The following DNAJC18 variants were observed in gnomAD, a reference collection of about 807,000 sequenced individuals.
DNAJC18 encodes the protein DnaJ heat shock protein family (Hsp40) member C18.
A neutral mutation model predicts 48.6 loss-of-function variants in DNAJC18; 40 were observed. The ratio of observed to expected loss-of-function variants is 0.82; its 90% CI spans 0.64 to 1.07. DNAJC18 has a LOEUF of 1.07. DNAJC18 is among the 50% of genes least tolerant of loss of function. DNAJC18 has a pLI of 0.00. For missense variants in DNAJC18, 340 were observed against 427.7 expected (o/e 0.79, Z 1.81); for synonymous variants, 135 against 152.2 (o/e 0.89, Z 0.83).
At position 139,437,512 on chromosome 5, in the gene DNAJC18, A is replaced by G; in HGVS notation, c.87T>C (p.Pro29=). The G allele has an allele frequency of 6.2e-7, 1 of 1,613,768 alleles. No individual in the cohort carries two copies. Among genetic ancestry groups the G allele is most frequent in the Non-Finnish European group, 8.5e-7 (1 of 1,179,884 alleles). The part of the protein sequence containing the change: ...VRRNKYPEDT[P]PESHDPCGCC... ...AGCCACAGGGGTCATGACTCTCAGG[A>G]GGTGTGTCTTCTGGGTATTTGTTTC... Residue 29 remains proline (P), a synonymous_variant, in exon 2 of 8, where the codon CCT becomes CCC. Coordinates refer to ENST00000302060, the MANE Select transcript of DNAJC18 (RefSeq NM_152686.4).
At position 139,410,550 on chromosome 5, in the gene DNAJC18, TATGA is replaced by T. The variant is rs1758978991; in HGVS notation, c.*3594_*3597del. 1.3e-5 allele frequency: 2 copies of T among 151,266 alleles called. No individual in the cohort carries two copies. The highest frequency in any genetic ancestry group is 2.9e-5 in the Non-Finnish European group (2 of 67,934). 9.4% of individuals were successfully genotyped at this position (151,266 alleles called of 1,614,324 possible). ...ATACCTTAAATGAGGGCAGAATAAA[TATGA>T]ATGAAGTGCAAGCTCCTGTGAGGAG... On this transcript the variant is annotated 3_prime_UTR_variant, in exon 8 of 8. Transcript: ENST00000302060.
At chr5:139,414,679 T>C (rs1314837594) in intron 7 of DNAJC18, among the ~76,000 whole-genome samples, 2 of 152,232 alleles carry the variant, frequency 1.3e-5, no homozygotes, top group African/African-American at 4.8e-5. Flanking sequence ...GCTTTATTCT[T>C]CTCCTGCATT....
In DNAJC18 at chr5:139,414,046, TAA is replaced by T. The variant is rs1759034223; in HGVS notation, c.*100_*101del. 6.0e-6 allele frequency: 9 copies of T among 1,495,712 alleles called. No homozygotes were observed. The highest frequency in any genetic ancestry group is 8.0e-6 in the Non-Finnish European group (9 of 1,122,076). The allele number at this position is 1,495,712 out of a possible 1,614,324, so 92.7% of individuals were successfully genotyped here. On this transcript the variant is annotated 3_prime_UTR_variant, in exon 8 of 8. Coordinates refer to ENST00000302060, the MANE Select transcript of DNAJC18 (RefSeq NM_152686.4). ...CCCAACCAACGAAGTTAGCAAATAG[TAA>T]AGTGTTCATCATTACCTAGTTTTGT...
chr5:139,422,825 A>G lies in DNAJC18; in HGVS notation c.670-8T>C, dbSNP rs1237352095. 2 of 1,566,462 alleles carry G rather than the reference A, an allele frequency of 1.3e-6. No individual in the cohort carries two copies. The highest frequency in any genetic ancestry group is 1.7e-6 in the Non-Finnish European group (2 of 1,160,292). On this transcript the variant is annotated splice_region_variant and splice_polypyrimidine_tract_variant and intron_variant, in intron 5 of 7. Transcript: ENST00000302060. ...AAATGCAGAATATGTAGTCTGAAAA[A>G]GAAAAAAAAATAAAAACTTGCTGTA...
chr5:139,414,037 AG>A lies in DNAJC18; in HGVS notation c.*110del. On this transcript the variant is annotated 3_prime_UTR_variant, in exon 8 of 8. Coordinates refer to ENST00000302060, the MANE Select transcript of DNAJC18 (RefSeq NM_152686.4). Reference sequence around the variant, plus strand: ...GCCACTCTGCCCAACCAACGAAGTTAGCAAATAGTAAAGTGTTCATCATTAC... The same window carrying A: ...GCCACTCTGCCCAACCAACGAAGTTACAAATAGTAAAGTGTTCATCATTAC... The A allele has an allele frequency of 6.8e-7, 1 of 1,463,092 alleles. No individual in the cohort carries two copies. The highest frequency in any genetic ancestry group is 9.1e-7 in the Non-Finnish European group (1 of 1,102,716). 90.6% of individuals were successfully genotyped at this position (1,463,092 alleles called of 1,614,324 possible).
chr5:139,422,421 T>G (rs1372615045), intron 6 of DNAJC18, among the ~76,000 whole-genome samples: 1 of 152,204 alleles, frequency 6.6e-6, no homozygotes, highest in Non-Finnish European at 1.5e-5. Flanking sequence ...AATGAGTTCA[T>G]CTAAACCTTA....
intron 2 of DNAJC18, among the ~76,000 whole-genome samples, chr5:139,431,319 T>A (rs1341966588): frequency 6.6e-6 from 1 of 152,180 alleles, no homozygotes; most frequent in East Asian, 1.9e-4. Context: ...TCAGGACATT[T>A]TTATCACCCC....
chr5:139,436,515 C>CT (rs57926576), intron 2 of DNAJC18, among the ~76,000 whole-genome samples: 981 of 67,600 alleles, frequency 0.015, 9 homozygotes, highest in Middle Eastern at 0.017. Flanking sequence ...ATCCCTCTTT[C>CT]TTTTTTTTTT....
chr5:139,429,051 A>C (rs953809400), intron 2 of DNAJC18, among the ~76,000 whole-genome samples: 1 of 132,164 alleles, frequency 7.6e-6, no homozygotes, highest in Non-Finnish European at 1.7e-5. Context: ...TCTTTTTCCT[A>C]TGGCTATCTT....
chr5:139,437,185 G>A (rs774995169), intron 2 of DNAJC18, among the ~76,000 whole-genome samples, 187 bp downstream of exon 2: 3 of 152,150 alleles, frequency 2.0e-5, no homozygotes, highest in Non-Finnish European at 4.4e-5. Flanking sequence ...TAGAAGCAGG[G>A]TAGTCAGTTC....
At chr5:139,415,392 T>G (rs1759056554) in intron 7 of DNAJC18, among the ~76,000 whole-genome samples, 1 of 152,226 alleles carries the variant, frequency 6.6e-6, no homozygotes, top group Admixed American at 6.5e-5. Flanking sequence ...TACCCCCAAG[T>G]AAGGCCCAAA....
intron 3 of DNAJC18, 52 bp from the exon 4 acceptor site, chr5:139,426,409 G>A: frequency 6.3e-7 from 1 of 1,594,916 alleles, no homozygotes; most frequent in East Asian, 2.2e-5. Context: ...CTATGGCTGA[G>A]AGTGATCACA....
chr5:139,422,455 C>A (rs1759169831), intron 6 of DNAJC18, among the ~76,000 whole-genome samples: 1 of 152,084 alleles, frequency 6.6e-6, no homozygotes. Context: ...CTTCAAAAAC[C>A]AGTTACTGCT....
At chr5:139,438,612 T>C (rs1750727019) in intron 1 of DNAJC18, among the ~76,000 whole-genome samples, 1 of 152,176 alleles carries the variant, frequency 6.6e-6, no homozygotes, top group Admixed American at 6.5e-5. Context: ...ACATCTTTCT[T>C]CCGCTTAACA....
At chr5:139,423,343 C>G (rs1338344016) in intron 5 of DNAJC18, among the ~76,000 whole-genome samples, 2 of 151,436 alleles carry the variant, frequency 1.3e-5, no homozygotes, top group African/African-American at 4.9e-5. Flanking sequence ...TTTTTGAGTA[C>G]CAGGATGACA....
chr5:139,413,643 T>G lies in DNAJC18; in HGVS notation c.*505A>C, dbSNP rs2152081959. The G allele has an allele frequency of 6.5e-6, 1 of 152,944 alleles. No homozygotes were observed. The highest frequency in any genetic ancestry group is 2.4e-5 in the African/African-American group (1 of 41,600). The allele number at this position is 152,944 out of a possible 1,614,324, so 9.5% of individuals were successfully genotyped here. On this transcript the variant is annotated 3_prime_UTR_variant, in exon 8 of 8. Coordinates refer to ENST00000302060, the MANE Select transcript of DNAJC18 (RefSeq NM_152686.4). ...CTACAATAGTTTAAATTTCTCCATA[T>G]TCCCCTAGAAAATGGAAAGCTGGGC...
Position 139,437,020 on chromosome 5 carries a change from T to A in DNAJC18, c.227+352A>T, listed in dbSNP as rs112837830. ...ACATACACTGTATGATTTCAATCTT[T>A]TTAAATTTATTGAGGCTTGTTTTAT... On this transcript the variant is annotated intron_variant, in intron 2 of 7. Transcript: ENST00000302060. Among the ~76,000 whole-genome samples, 437 of 152,330 alleles carry A rather than the reference T, an allele frequency of 2.9e-3. 4 individuals carry two copies. The highest frequency in any genetic ancestry group is 9.9e-3 in the African/African-American group (410 of 41,570).
At chr5:139,430,326 A>G (rs1759309156) in intron 2 of DNAJC18, among the ~76,000 whole-genome samples, 1 of 152,222 alleles carries the variant, frequency 6.6e-6, no homozygotes, top group South Asian at 2.1e-4. Flanking sequence ...AAACTTGCAG[A>G]CCTATCCCCT....
rs1259789419 is a variant in DNAJC18 at position 139,413,415 on chromosome 5, G to A, written c.*733C>T. On this transcript the variant is annotated 3_prime_UTR_variant, in exon 8 of 8. Transcript: ENST00000302060. ...AGGGACATTCTCTGGGTTCTATGAT[G>A]GAGTAGGGAGGCTTCGTGGAGGAGA... 2.0e-5 allele frequency: 3 copies of A among 152,476 alleles called. No homozygotes were observed. The highest frequency in any genetic ancestry group is 4.4e-5 in the Non-Finnish European group (3 of 68,262). The allele number at this position is 152,476 out of a possible 1,614,324, so 9.4% of individuals were successfully genotyped here. A position where few individuals can be genotyped will look rare whatever the true frequency, so the allele number is the denominator to read the frequency against.
Sources: allele counts gnomAD v4.1 joint callset (sites outside exome capture counted in the v4.1 genomes callset), GRCh38; gene constraint gnomAD v4.1.1; transcripts MANE v1.5; gene names NCBI Gene and HGNC (gene_info 2026-07-23, HGNC 2026-07-21).